Variants in TBC1D22A observed in about 807,000 individuals in gnomAD.
TBC1D22A encodes TBC1 domain family member 22A.
A neutral mutation model predicts 60.2 loss-of-function variants in TBC1D22A; 38 were observed. That is an observed-to-expected ratio of 0.63 (90% CI 0.49 to 0.83). TBC1D22A has a LOEUF of 0.83. TBC1D22A is among the 40% of genes least tolerant of loss of function. The pLI is 0.00. For synonymous variants in TBC1D22A, 302 were observed against 281.7 expected (o/e 1.07, Z -0.72); for missense variants, 628 against 701.0 (o/e 0.90, Z 1.18).
In TBC1D22A at chr22:46,787,932, CTT is replaced by C. The variant is rs547496103; in HGVS notation, c.63-4567_63-4566del. ...GGGGTAGGTGACTTTGGGCAGGCTACTTTTTTTTTTTTTTTTTTTTTTGGGAC... is the reference window on the plus strand; with the variant it reads ...GGGGTAGGTGACTTTGGGCAGGCTACTTTTTTTTTTTTTTTTTTTTGGGAC... On this transcript the variant is annotated intron_variant, in intron 1 of 12. Transcript: ENST00000337137. Among the ~76,000 whole-genome samples the C allele has an allele frequency of 3.7e-5, 4 of 107,142 alleles. No homozygotes were observed. The South Asian group carries it at 9.1e-4, about 24-fold the overall frequency. The allele number at this position is 107,142 out of a possible 152,430, so 70.3% of individuals were successfully genotyped here.
chr22:47,063,890 C>T (rs2063669295), intron 11 of TBC1D22A, among the ~76,000 whole-genome samples: 1 of 152,128 alleles, frequency 6.6e-6, no homozygotes, highest in African/African-American at 2.4e-5. Context: ...TGGCTGTGTC[C>T]ACGTTTTCCT....
intron 8 of TBC1D22A, among the ~76,000 whole-genome samples, chr22:46,967,835 C>A (rs2073878038): frequency 6.6e-6 from 1 of 151,438 alleles, no homozygotes. Flanking sequence ...GATTCCAGTG[C>A]ACCCCCTGGT....
At chr22:47,047,976 A>G (rs1010550627) in intron 11 of TBC1D22A, among the ~76,000 whole-genome samples, 11 of 152,168 alleles carry the variant, frequency 7.2e-5, no homozygotes, top group African/African-American at 2.7e-4. Flanking sequence ...CTTTCCCCAG[A>G]CCATGTGGCT....
At chr22:46,839,820 A>G (rs1169901420) in intron 4 of TBC1D22A, among the ~76,000 whole-genome samples, 1 of 152,258 alleles carries the variant, frequency 6.6e-6, no homozygotes, top group African/African-American at 2.4e-5. Context: ...GATCTTTGAC[A>G]AAGGTGCCAA....
chr22:46,767,071 A>G (rs1337447109), intron 1 of TBC1D22A, among the ~76,000 whole-genome samples: 1 of 152,230 alleles, frequency 6.6e-6, no homozygotes, highest in Admixed American at 6.5e-5. Context: ...GGCCAGGGCT[A>G]TAAACTGCAG....
At chr22:46,833,565 G>A (rs2086398836) in intron 4 of TBC1D22A, among the ~76,000 whole-genome samples, 1 of 152,202 alleles carries the variant, frequency 6.6e-6, no homozygotes, top group African/African-American at 2.4e-5. Context: ...GACTCGTGGG[G>A]GTGATAAGAC....
At chr22:47,041,646 A>G (rs565400526) in intron 11 of TBC1D22A, among the ~76,000 whole-genome samples, 1 of 152,302 alleles carries the variant, frequency 6.6e-6, no homozygotes, top group African/African-American at 2.4e-5. Flanking sequence ...TTTCTGCCCT[A>G]GTTCTGTGCT....
intron 1 of TBC1D22A, chr22:46,763,205 G>GC (rs577134473): frequency 3.0e-5 from 8 of 265,808 alleles, no homozygotes; most frequent in African/African-American, 1.3e-4. Context: ...CCGGGCTGAG[G>GC]CCCCCCGTCT....
At chr22:47,052,080 G>GC (rs2063242316) in intron 11 of TBC1D22A, among the ~76,000 whole-genome samples, 1 of 152,124 alleles carries the variant, frequency 6.6e-6, no homozygotes, top group Non-Finnish European at 1.5e-5. Flanking sequence ...TGGGCCTCCT[G>GC]CCCCCAGCAA....
intron 5 of TBC1D22A, among the ~76,000 whole-genome samples, chr22:46,889,708 C>T (rs1712647877): frequency 6.6e-6 from 1 of 152,208 alleles, no homozygotes; most frequent in Non-Finnish European, 1.5e-5. Context: ...TGGGAAGGTG[C>T]TGTGCTGCTG....
At chr22:46,809,695 C>T (rs1266792518) in intron 4 of TBC1D22A, among the ~76,000 whole-genome samples, 6 of 152,214 alleles carry the variant, frequency 3.9e-5, no homozygotes, top group South Asian at 2.1e-4. Context: ...GCAGTGTCTT[C>T]ATCTGTAGAA....
At chr22:46,879,362 A>T (rs549195023) in intron 5 of TBC1D22A, among the ~76,000 whole-genome samples, 57 of 152,256 alleles carry the variant, frequency 3.7e-4, no homozygotes, top group African/African-American at 1.3e-3. Flanking sequence ...TGCCGTTGGA[A>T]GTGAGTTTGG....
chr22:47,114,259 G>T (rs1001814681), intron 12 of TBC1D22A, among the ~76,000 whole-genome samples: 1 of 151,852 alleles, frequency 6.6e-6, no homozygotes, highest in Admixed American at 6.6e-5. Flanking sequence ...GGTGTGGGGT[G>T]TGGGGTGTGG....
chr22:47,078,997 C>G (rs1043863661), intron 11 of TBC1D22A, among the ~76,000 whole-genome samples: 1 of 152,104 alleles, frequency 6.6e-6, no homozygotes, highest in Non-Finnish European at 1.5e-5. Context: ...TCTCTAAACA[C>G]CCTGTATATA....
intron 12 of TBC1D22A, among the ~76,000 whole-genome samples, chr22:47,145,306 G>A (rs1474969251): frequency 5.9e-5 from 9 of 152,164 alleles, no homozygotes; most frequent in Admixed American, 5.2e-4. Flanking sequence ...CATTTTCTCA[G>A]GTAGTGACCC....
At chr22:47,111,125 G>T (rs548140890) in intron 11 of TBC1D22A, among the ~76,000 whole-genome samples, 1 of 152,216 alleles carries the variant, frequency 6.6e-6, no homozygotes, top group Admixed American at 6.5e-5. Flanking sequence ...TGTGGAGTGG[G>T]AGGAGGCCTC....
At chr22:47,107,541 G>A (rs539995799) in intron 11 of TBC1D22A, among the ~76,000 whole-genome samples, 1 of 152,300 alleles carries the variant, frequency 6.6e-6, no homozygotes, top group Non-Finnish European at 1.5e-5. Context: ...TAATAGACCT[G>A]TAGTGAGAAA....
chr22:47,047,790 G>A (rs1240601209), intron 11 of TBC1D22A, among the ~76,000 whole-genome samples: 1 of 152,248 alleles, frequency 6.6e-6, no homozygotes, highest in Non-Finnish European at 1.5e-5. Context: ...GCCCTGGCAA[G>A]GCCTCGAGGC....
intron 8 of TBC1D22A, chr22:46,915,099 A>C (rs1048708523): frequency 3.6e-6 from 1 of 280,284 alleles, no homozygotes; most frequent in African/African-American, 2.2e-5. Context: ...CTTGGGCTGC[A>C]GTGCTGAGAA....
Sources: gnomAD v4.1 joint callset for allele counts (sites outside exome capture counted in the v4.1 genomes callset) on GRCh38, gnomAD v4.1.1 for gene constraint, MANE v1.5 for transcripts, NCBI Gene and HGNC (gene_info 2026-07-23, HGNC 2026-07-21) for gene names.